Variants in RNF111 observed in about 807,000 individuals in gnomAD.
RNF111 encodes the protein E3 ubiquitin-protein ligase Arkadia.
Under a neutral mutation model 95.1 loss-of-function variants are expected in RNF111, and 17 were observed. That is an observed-to-expected ratio of 0.18 (90% confidence interval 0.12 to 0.27). The LOEUF (loss-of-function observed/expected upper bound fraction) is 0.27, where lower values mean the gene tolerates loss of function less well. RNF111 is among the 10% of genes least tolerant of loss of function. RNF111 has a pLI of 1.00. For synonymous variants in RNF111, 440 were observed against 414.8 expected, an observed-to-expected ratio of 1.06 and a Z score of -0.74; for missense variants, 1,189 against 1,210.4, an observed-to-expected ratio of 0.98 and a Z score of 0.26.
chr15:59,050,622 C>A (rs2041935758), intron 2 of RNF111, among the ~76,000 whole-genome samples: 1 of 152,028 alleles, frequency 6.6e-6, no homozygotes, highest in Admixed American at 6.6e-5. Context: ...GATTAGTATA[C>A]TAAAAGCTGA....
intron 1 of RNF111, among the ~76,000 whole-genome samples, chr15:59,008,804 T>C (rs143031851): frequency 3.0e-4 from 45 of 152,350 alleles, no homozygotes; most frequent in East Asian, 1.2e-3. Context: ...AAAAATCTTT[T>C]GTGGTTCTTT....
At chr15:59,073,065 G>A (rs1358016078) in intron 6 of RNF111, among the ~76,000 whole-genome samples, 1 of 152,008 alleles carries the variant, frequency 6.6e-6, no homozygotes, top group African/African-American at 2.4e-5. Context: ...CTAGCTACTT[G>A]GGAGGCTGAA....
intron 4 of RNF111, 150 bp from the exon 5 acceptor site, chr15:59,058,206 T>C: frequency 3.1e-6 from 2 of 644,118 alleles, no homozygotes; most frequent in South Asian, 4.7e-5. Flanking sequence ...AGTTTAGCTT[T>C]GTGAACGCTT....
rs1248175156 is a variant in RNF111 at position 59,029,170 on chromosome 15, G to A, written c.-19-1634G>A. Among the ~76,000 whole-genome samples the A allele has an allele frequency of 4.7e-5, 7 of 148,496 alleles. No homozygotes were observed. The Admixed American group carries it at 4.7e-4, about 10-fold the overall frequency. On this transcript the variant is annotated intron_variant, in intron 1 of 13. Transcript: ENST00000348370. ...ATCAGCAATATATGAGGGTTCCAAT[G>A]TTTTTTTTTTATGCATCCTCTCTAA...
chr15:59,070,007 C>A (rs2042839395), intron 6 of RNF111, among the ~76,000 whole-genome samples: 1 of 143,682 alleles, frequency 7.0e-6, no homozygotes, highest in Non-Finnish European at 1.5e-5. Flanking sequence ...ATCCCCACCC[C>A]CCAACCCCAC....
At chr15:59,072,986 ACATGGC>A (rs1266824220) in intron 6 of RNF111, among the ~76,000 whole-genome samples, 1 of 152,092 alleles carries the variant, frequency 6.6e-6, no homozygotes, top group African/African-American at 2.4e-5. Context: ...AGTCTGGGCA[ACATGGC>A]AAGACTCTGT....
intron 1 of RNF111, among the ~76,000 whole-genome samples, chr15:59,008,948 GTATTTTATTT>G (rs199771747): frequency 0.015 from 2,203 of 151,890 alleles, 25 homozygotes; most frequent in Non-Finnish European, 0.022. Context: ...ATATTGTCAC[GTATTTTATTT>G]TATTTTATTT....
chr15:59,029,789 G>A (rs1442758246), intron 1 of RNF111, among the ~76,000 whole-genome samples: 1 of 152,090 alleles, frequency 6.6e-6, no homozygotes, highest in Non-Finnish European at 1.5e-5. Context: ...TGGTTATGTT[G>A]TTTATCTGTG....
chr15:59,009,874 T>A (rs1167307166), intron 1 of RNF111, among the ~76,000 whole-genome samples: 1 of 152,186 alleles, frequency 6.6e-6, no homozygotes, highest in African/African-American at 2.4e-5. Context: ...GAGGATCACT[T>A]GAGCCCAGGA....
At chr15:59,058,298 A>G (rs958053463) in intron 4 of RNF111, 58 bp from the exon 5 acceptor site, 48 of 1,365,952 alleles carry the variant, frequency 3.5e-5, no homozygotes, top group Non-Finnish European at 4.6e-5. Context: ...TTACATTAAA[A>G]TATAACCCTT....
chr15:59,050,712 G>T (rs534754769), intron 2 of RNF111, among the ~76,000 whole-genome samples: 22 of 152,268 alleles, frequency 1.4e-4, no homozygotes, highest in African/African-American at 5.1e-4. Context: ...CAGTGCCATG[G>T]ACTTAAATCC....
intron 1 of RNF111, among the ~76,000 whole-genome samples, chr15:59,016,008 A>G (rs11635820): frequency 0.46 from 68,853 of 151,052 alleles, 16,560 homozygotes; most frequent in African/African-American, 0.62. Flanking sequence ...ACCCCACCAC[A>G]CCTAGATAAC....
chr15:59,044,782 AT>A (rs1346913671), intron 2 of RNF111, among the ~76,000 whole-genome samples: 6 of 152,226 alleles, frequency 3.9e-5, no homozygotes, highest in African/African-American at 1.2e-4. Context: ...AAGTCGTGCT[AT>A]TTAATAAGAT....
intron 1 of RNF111, 145 bp from the exon 2 acceptor site, chr15:59,030,659 T>G: frequency 9.3e-6 from 5 of 540,454 alleles, no homozygotes. Context: ...GTAAAATAAT[T>G]CATAACAGAC....
At chr15:59,079,316 C>G (rs1356461340) in intron 7 of RNF111, among the ~76,000 whole-genome samples, 1 of 152,174 alleles carries the variant, frequency 6.6e-6, no homozygotes, top group Non-Finnish European at 1.5e-5. Flanking sequence ...ATAGTGGATT[C>G]ATTTTTTATG....
intron 1 of RNF111, among the ~76,000 whole-genome samples, chr15:59,001,093 C>A (rs2039304556): frequency 6.6e-6 from 1 of 152,080 alleles, no homozygotes; most frequent in Non-Finnish European, 1.5e-5. Context: ...CATTTGAACA[C>A]AGATGTAAAG....
intron 2 of RNF111, among the ~76,000 whole-genome samples, chr15:59,036,583 T>A (rs2041190737): frequency 6.6e-6 from 1 of 152,184 alleles, no homozygotes. Flanking sequence ...ATTGCCCCCA[T>A]GATTCAGTTA....
At chr15:59,034,506 C>T (rs1364348549) in intron 2 of RNF111, among the ~76,000 whole-genome samples, 1 of 152,160 alleles carries the variant, frequency 6.6e-6, no homozygotes, top group Non-Finnish European at 1.5e-5. Context: ...CCTTCCAGTA[C>T]TCTTATGAGA....
At chr15:59,001,823 A>G (rs2039336548) in intron 1 of RNF111, among the ~76,000 whole-genome samples, 1 of 152,222 alleles carries the variant, frequency 6.6e-6, no homozygotes, top group Non-Finnish European at 1.5e-5. Context: ...CATGAGGGAT[A>G]CAGTCCAAGA....
Sources: allele counts gnomAD v4.1 joint callset (sites outside exome capture counted in the v4.1 genomes callset), GRCh38; gene constraint gnomAD v4.1.1; transcripts MANE v1.5; gene names NCBI Gene and HGNC (gene_info 2026-07-23, HGNC 2026-07-21).